The following KCNB2 variants were observed in gnomAD, a reference collection of about 807,000 sequenced individuals.
The protein encoded by KCNB2 is delayed rectifier potassium channel protein.
A neutral mutation model predicts 61.5 loss-of-function variants in KCNB2; 15 were observed. The observed-to-expected ratio is 0.24, with a 90% confidence interval of 0.16 to 0.38. The LOEUF (loss-of-function observed/expected upper bound fraction) is 0.38. Ranked by LOEUF, KCNB2 falls within the 10% of genes least tolerant of loss-of-function variation. KCNB2 has a pLI of 1.00. For synonymous variants in KCNB2, 457 were observed against 446.0 expected, an observed-to-expected ratio of 1.02 and a Z score of -0.31; for missense variants, 828 against 1,125.2, an observed-to-expected ratio of 0.74 and a Z score of 3.78.
intron 2 of KCNB2, among the ~76,000 whole-genome samples, chr8:72,826,983 A>T (rs10957621): frequency 6.6e-6 from 1 of 152,160 alleles, no homozygotes; most frequent in Non-Finnish European, 1.5e-5. Context: ...CAGAGAAAGG[A>T]TCAAACAGTG....
At chr8:72,642,664 A>G (rs1806075160) in intron 2 of KCNB2, among the ~76,000 whole-genome samples, 1 of 152,094 alleles carries the variant, frequency 6.6e-6, no homozygotes, top group African/African-American at 2.4e-5. Context: ...GAATTTTCCT[A>G]ACCAGTTTAG....
At chr8:72,668,279 A>G (rs1440361) in intron 2 of KCNB2, among the ~76,000 whole-genome samples, 40,456 of 152,132 alleles carry the variant, frequency 0.27, 9,543 homozygotes, top group African/African-American at 0.64. Flanking sequence ...GCACCCATGT[A>G]GCTGACCTTA....
At position 72,937,535 on chromosome 8, in the gene KCNB2, C is replaced by T; in HGVS notation, c.2180C>T (p.Pro727Leu). 1.2e-6 allele frequency: 2 copies of T among 1,613,808 alleles called. No individual in the cohort carries two copies. Among genetic ancestry groups the T allele is most frequent in the Middle Eastern group, 1.6e-4 (1 of 6,062 alleles). ...VNFKENRGSAPQTPPSTARPL... is the reference protein window; with the variant it reads ...VNFKENRGSALQTPPSTARPL... ...TTTAAGGAAAATAGAGGCAGTGCAC[C>T]ACAGACCCCGCCCAGCACAGCCAGG... The change falls in exon 3 of 3, where the codon CCA (proline) becomes CTA (leucine). Residue 727 changes from proline (P) to leucine (L), a missense_variant. Pro to Leu is a moderately conservative substitution (Grantham distance 98). Coordinates refer to ENST00000523207, the MANE Select transcript of KCNB2 (RefSeq NM_004770.3).
chr8:72,579,053 G>A (rs1430745787), intron 2 of KCNB2, among the ~76,000 whole-genome samples: 5 of 152,070 alleles, frequency 3.3e-5, no homozygotes, highest in African/African-American at 1.2e-4. Flanking sequence ...ATTGCAGCAC[G>A]GCCCAAATAA....
At chr8:72,547,250 G>A (rs140769648) in intron 1 of KCNB2, among the ~76,000 whole-genome samples, 7 of 152,282 alleles carry the variant, frequency 4.6e-5, no homozygotes, top group African/African-American at 1.4e-4. Context: ...GAGCTCTGAG[G>A]GAGATGTACA....
chr8:72,895,318 A>G (rs1238791512), intron 2 of KCNB2, among the ~76,000 whole-genome samples: 1 of 152,294 alleles, frequency 6.6e-6, no homozygotes, highest in Admixed American at 6.5e-5. Flanking sequence ...TGGGAGAGAG[A>G]GTCAGCAGAC....
chr8:72,792,297 T>A (rs991409740), intron 2 of KCNB2, among the ~76,000 whole-genome samples: 1 of 152,224 alleles, frequency 6.6e-6, no homozygotes, highest in African/African-American at 2.4e-5. Context: ...ATCAGCATTT[T>A]AAAAATATTT....
chr8:72,810,984 G>A (rs550298826), intron 2 of KCNB2, among the ~76,000 whole-genome samples: 35 of 152,222 alleles, frequency 2.3e-4, no homozygotes, highest in African/African-American at 6.5e-4. Flanking sequence ...GAACATAAAA[G>A]CAAAGAGAAA....
intron 2 of KCNB2, among the ~76,000 whole-genome samples, chr8:72,698,902 A>G (rs550580663): frequency 1.3e-5 from 2 of 152,184 alleles, no homozygotes; most frequent in Non-Finnish European, 2.9e-5. Context: ...ACCGCAAACT[A>G]TAAGAATCAT....
At chr8:72,872,628 A>T (rs894542202) in intron 2 of KCNB2, among the ~76,000 whole-genome samples, 1 of 152,186 alleles carries the variant, frequency 6.6e-6, no homozygotes, top group Non-Finnish European at 1.5e-5. Flanking sequence ...GGTACATAAC[A>T]GTTAATGAGA....
chr8:72,596,240 G>A (rs1807187400), intron 2 of KCNB2, among the ~76,000 whole-genome samples: 1 of 152,152 alleles, frequency 6.6e-6, no homozygotes, highest in Non-Finnish European at 1.5e-5. Context: ...TTCCTTTGCA[G>A]TAAGGTACTC....
intron 2 of KCNB2, among the ~76,000 whole-genome samples, chr8:72,757,483 A>C (rs1237335777): frequency 6.6e-6 from 1 of 152,214 alleles, no homozygotes; most frequent in Non-Finnish European, 1.5e-5. Flanking sequence ...TATAAGGTAT[A>C]GGGAAAGAGA....
At chr8:72,870,590 A>G (rs1805600620) in intron 2 of KCNB2, among the ~76,000 whole-genome samples, 1 of 151,834 alleles carries the variant, frequency 6.6e-6, no homozygotes, top group Admixed American at 6.6e-5. Flanking sequence ...TTCAAATGTC[A>G]CTTTTTTCCA....
intron 2 of KCNB2, among the ~76,000 whole-genome samples, chr8:72,774,671 A>G (rs1332689919): frequency 6.6e-6 from 1 of 152,086 alleles, no homozygotes; most frequent in African/African-American, 2.4e-5. Context: ...TTATATATAC[A>G]CATATATAAA....
At chr8:72,793,690 T>A (rs75928470) in intron 2 of KCNB2, among the ~76,000 whole-genome samples, 2,604 of 152,328 alleles carry the variant, frequency 0.017, 37 homozygotes, top group Non-Finnish European at 0.025. Context: ...ATGATCTGAA[T>A]GTTTTCTGCT....
chr8:72,623,357 G>T (rs1375097679), intron 2 of KCNB2, among the ~76,000 whole-genome samples: 1 of 152,194 alleles, frequency 6.6e-6, no homozygotes, highest in Non-Finnish European at 1.5e-5. Flanking sequence ...AGCTTTGAAG[G>T]GGAGGGTTGG....
At chr8:72,586,350 A>G (rs1807000711) in intron 2 of KCNB2, among the ~76,000 whole-genome samples, 1 of 152,216 alleles carries the variant, frequency 6.6e-6, no homozygotes, top group African/African-American at 2.4e-5. Flanking sequence ...GAATTTCTCT[A>G]TTGTATACAA....
chr8:72,768,247 G>T (rs1028737135), intron 2 of KCNB2, among the ~76,000 whole-genome samples: 13 of 152,078 alleles, frequency 8.5e-5, no homozygotes, highest in African/African-American at 3.1e-4. Flanking sequence ...CATGATCTCA[G>T]CTCACTTCAA....
chr8:72,703,341 C>G (rs1426080510), intron 2 of KCNB2, among the ~76,000 whole-genome samples: 1 of 152,170 alleles, frequency 6.6e-6, no homozygotes, highest in Non-Finnish European at 1.5e-5. Flanking sequence ...TGCCCCTGGA[C>G]TCAACACCTG....
Sources: gnomAD v4.1 joint callset for allele counts (sites outside exome capture counted in the v4.1 genomes callset) on GRCh38, gnomAD v4.1.1 for gene constraint, MANE v1.5 for transcripts, NCBI Gene and HGNC (gene_info 2026-07-23, HGNC 2026-07-21) for gene names.